BLMH: variants seen among roughly 807,000 people sequenced by gnomAD.
BLMH encodes the protein bleomycin hydrolase.
BLMH carries 32 observed loss-of-function variants against 61.6 expected under a neutral mutation model. That is an observed-to-expected ratio of 0.52 (90% confidence interval 0.39 to 0.70). The LOEUF (loss-of-function observed/expected upper bound fraction) is 0.70. Ranked by LOEUF, BLMH falls within the 30% of genes least tolerant of loss-of-function variation. BLMH has a pLI of 0.00. For synonymous variants in BLMH, 183 were observed against 193.8 expected (o/e 0.94, Z 0.46); for missense variants, 460 against 555.5 (o/e 0.83, Z 1.73).
Position 30,248,999 on chromosome 17 carries a change from A to G in BLMH, c.*18T>C. The G allele has an allele frequency of 1.2e-6, 2 of 1,613,230 alleles. No homozygotes were observed. The highest frequency in any genetic ancestry group is 1.7e-6 in the Non-Finnish European group (2 of 1,179,598). On this transcript the variant is annotated 3_prime_UTR_variant, in exon 12 of 12. Transcript: ENST00000261714. ...TACGTCAGGTTCCATGGAAGGAGGA[A>G]AGAGCTGGAGGGCAGTATCACTCAG... is the stretch of plus-strand genomic sequence containing the variant.
At chr17:30,257,567 G>C (rs1048747371) in intron 11 of BLMH, among the ~76,000 whole-genome samples, 3 of 152,078 alleles carry the variant, frequency 2.0e-5, no homozygotes, top group Admixed American at 6.6e-5. Context: ...TTTATATTTT[G>C]ATTTTGGAAC....
At chr17:30,254,716 T>C (rs1907766409) in intron 11 of BLMH, among the ~76,000 whole-genome samples, 3 of 152,188 alleles carry the variant, frequency 2.0e-5, no homozygotes, top group Admixed American at 2.0e-4. Context: ...AAACTCATCA[T>C]AAAAAGTCTT....
intron 11 of BLMH, among the ~76,000 whole-genome samples, chr17:30,257,940 A>G (rs150887898): frequency 3.7e-4 from 56 of 152,270 alleles, no homozygotes; most frequent in African/African-American, 1.3e-3. Context: ...CACAAACCCC[A>G]TATCAACAAA....
rs910112536 is a variant in BLMH at position 30,265,715 on chromosome 17, T to G, written c.1216+1170A>C. Among the ~76,000 whole-genome samples, 9 of 151,962 alleles carry G rather than the reference T, an allele frequency of 5.9e-5. No individual in the cohort carries two copies. The East Asian group carries it at 1.7e-3, about 29-fold the overall frequency. On this transcript the variant is annotated intron_variant, in intron 11 of 11. Transcript: ENST00000261714. The stretch of plus-strand genomic sequence containing the variant: ...TTTTTCCTAGCCAGAATCCATTGGC[T>G]AAAAGAAAAAGGGACTCTGAGAAAG...
intron 6 of BLMH, 38 bp from the exon 7 acceptor site, chr17:30,274,235 G>A (rs1252915067): frequency 6.3e-7 from 1 of 1,586,172 alleles, no homozygotes; most frequent in Admixed American, 1.9e-5. Flanking sequence ...CAATGGTTAG[G>A]GGGAAATGTT....
At chr17:30,259,642 G>A (rs888891426) in intron 11 of BLMH, among the ~76,000 whole-genome samples, 1 of 152,072 alleles carries the variant, frequency 6.6e-6, no homozygotes, top group Admixed American at 6.5e-5. Flanking sequence ...TGCCACTTCT[G>A]TCACATCACA....
At chr17:30,277,945 T>C (rs1908466391) in intron 6 of BLMH, among the ~76,000 whole-genome samples, 1 of 152,230 alleles carries the variant, frequency 6.6e-6, no homozygotes, top group Non-Finnish European at 1.5e-5. Flanking sequence ...TTTTAGATTC[T>C]AGTAAAACTT....
Position 30,289,331 on chromosome 17 carries a change from T to G in BLMH, c.321+42A>C, listed in dbSNP as rs369672862. On this transcript the variant is annotated intron_variant, in intron 3 of 11. Coordinates refer to ENST00000261714, the MANE Select transcript of BLMH (RefSeq NM_000386.4). ...AAGAAGAGGCAGTCCCTACCAAGGCTGATATCAATACAAAAAGAATCTTGC... is the reference window on the plus strand; with the variant it reads ...AAGAAGAGGCAGTCCCTACCAAGGCGGATATCAATACAAAAAGAATCTTGC... The G allele has an allele frequency of 7.6e-5, 103 of 1,350,856 alleles. No homozygotes were observed. In the African/African-American group the frequency reaches 1.4e-3, roughly 18 times the overall value. The allele number at this position is 1,350,856 out of a possible 1,614,324, so 83.7% of individuals were successfully genotyped here.
chr17:30,250,882 T>C (rs570624662), intron 11 of BLMH, among the ~76,000 whole-genome samples: 3 of 152,274 alleles, frequency 2.0e-5, no homozygotes, highest in Non-Finnish European at 4.4e-5. Context: ...TATTTATACA[T>C]CATGGAATAT....
intron 11 of BLMH, among the ~76,000 whole-genome samples, chr17:30,263,652 C>T (rs980964167): frequency 1.3e-5 from 2 of 152,292 alleles, no homozygotes; most frequent in East Asian, 1.9e-4. Flanking sequence ...TCAGAAGAAA[C>T]CTTCTGTCCA....
At chr17:30,268,286 T>C (rs1908164143) in intron 10 of BLMH, among the ~76,000 whole-genome samples, 1 of 152,302 alleles carries the variant, frequency 6.6e-6, no homozygotes, top group African/African-American at 2.4e-5. Context: ...CTAGATCAAA[T>C]TGTTCTCTGG....
chr17:30,287,782 T>C (rs1220209460), intron 4 of BLMH, 24 bp downstream of exon 4: 9 of 1,612,040 alleles, frequency 5.6e-6, no homozygotes, highest in Admixed American at 1.7e-5. Flanking sequence ...TGAGTTTCAG[T>C]TCCATTAAAG....
At chr17:30,283,037 ATGCAC>A (rs1326836926) in intron 6 of BLMH, among the ~76,000 whole-genome samples, 3 of 152,116 alleles carry the variant, frequency 2.0e-5, no homozygotes, top group African/African-American at 4.8e-5. Flanking sequence ...GCATGGTGGC[ATGCAC>A]CTGTAGTCCC....
In BLMH at chr17:30,272,796, T is replaced by C. The variant is rs746874313; in HGVS notation, c.905A>G (p.Asn302Ser). The C allele has an allele frequency of 8.1e-6, 13 of 1,614,120 alleles. No homozygotes were observed. Among genetic ancestry groups the C allele is most frequent in the Non-Finnish European group, 9.3e-6 (11 of 1,180,048 alleles). Residue 302 changes from asparagine (N) to serine (S), a missense_variant, in exon 8 of 12, where the codon AAC becomes AGC. By Grantham distance (46) the Asn-to-Ser change is conservative. This residue lies in a region of BLMH where 310 missense variants were observed against 371.1 expected (regional missense o/e 0.84). Transcript: ENST00000261714. Reference sequence around the variant, plus strand: ...CTTTTTCAGGAAGTCAATGGGCTGGTTGTTGTATAGAGTTTTTCTCCCTCC... The same window carrying C: ...CTTTTTCAGGAAGTCAATGGGCTGGCTGTTGTATAGAGTTTTTCTCCCTCC... Reference protein sequence around the residue: ...MVGGRKTLYNNQPIDFLKKMV... With the variant: ...MVGGRKTLYNSQPIDFLKKMV...
chr17:30,285,344 A>T (rs1438798381), intron 6 of BLMH, 44 bp downstream of exon 6: 1 of 1,329,296 alleles, frequency 7.5e-7, no homozygotes, highest in Non-Finnish European at 1.1e-6. Context: ...ATATTCTGAG[A>T]GTTCCTTAGA....
At chr17:30,285,282 A>G (rs1485769433) in intron 6 of BLMH, 106 bp downstream of exon 6, 1 of 769,460 alleles carries the variant, frequency 1.3e-6, no homozygotes, top group Non-Finnish European at 2.0e-6. Flanking sequence ...AATTCAATTA[A>G]ACATTCGTTG....
At chr17:30,249,311 T>C in intron 11 of BLMH, 143 bp from the exon 12 acceptor site, 1 of 911,796 alleles carries the variant, frequency 1.1e-6, no homozygotes, top group Non-Finnish European at 1.6e-6. Context: ...TTAATCTAAA[T>C]CTTATTAGCA....
chr17:30,273,644 A>G (rs994409136), intron 7 of BLMH: 5 of 211,440 alleles, frequency 2.4e-5, no homozygotes, highest in Non-Finnish European at 3.7e-5. Context: ...TAAAGGGAAC[A>G]GGAAAAACTA....
At chr17:30,280,419 A>C (rs1240387543) in intron 6 of BLMH, among the ~76,000 whole-genome samples, 1 of 152,158 alleles carries the variant, frequency 6.6e-6, no homozygotes, top group Non-Finnish European at 1.5e-5. Context: ...AGCACTGTAA[A>C]AATATTAGTT....
Sources: gnomAD v4.1 joint callset for allele counts (sites outside exome capture counted in the v4.1 genomes callset) on GRCh38, gnomAD v4.1.1 for gene constraint, gnomAD v4.1.1 regional missense constraint, MANE v1.5 for transcripts, NCBI Gene and HGNC (gene_info 2026-07-23, HGNC 2026-07-21) for gene names.